Variants in EBAG9 observed in about 807,000 individuals in gnomAD.
EBAG9 encodes estrogen receptor binding site associated antigen 9.
EBAG9 carries 16 observed loss-of-function variants against 30.9 expected under a neutral mutation model. That is an observed-to-expected ratio of 0.52 (90% CI 0.35 to 0.79). EBAG9 has a LOEUF of 0.79. EBAG9 is among the 30% of genes least tolerant of loss of function. The pLI is 0.01. For missense variants in EBAG9, 197 were observed against 242.1 expected (o/e 0.81, Z 1.24); for synonymous variants, 93 against 82.8 (o/e 1.12, Z -0.67).
At chr8:109,563,314 C>T (rs1352173638) in intron 6 of EBAG9, 1 of 1,491,706 alleles carries the variant, frequency 6.7e-7, no homozygotes, top group Non-Finnish European at 9.1e-7. Context: ...CTAATGTTGC[C>T]TATTCCATGC....
At chr8:109,558,169 C>G (rs1821638511) in intron 5 of EBAG9, among the ~76,000 whole-genome samples, 3 of 152,154 alleles carry the variant, frequency 2.0e-5, no homozygotes, top group Admixed American at 2.0e-4. Context: ...TGCACAGTTG[C>G]TTCTGAGGTC....
intron 6 of EBAG9, among the ~76,000 whole-genome samples, chr8:109,562,906 AT>A (rs1821738396): frequency 6.6e-6 from 1 of 151,832 alleles, no homozygotes; most frequent in Non-Finnish European, 1.5e-5. Context: ...CAGATTTCGG[AT>A]TTTTGTATTT....
At chr8:109,545,398 G>C (rs532359540) in intron 1 of EBAG9, among the ~76,000 whole-genome samples, 55 of 140,694 alleles carry the variant, frequency 3.9e-4, no homozygotes, top group African/African-American at 1.4e-3. Flanking sequence ...GAGTCTCACT[G>C]TGTTGCCCAG....
intron 1 of EBAG9, among the ~76,000 whole-genome samples, chr8:109,543,623 A>G (rs781579468): frequency 1.2e-4 from 19 of 152,244 alleles, no homozygotes; most frequent in Middle Eastern, 3.4e-3. Context: ...CCTATCAGAG[A>G]TGACCATTTT....
At chr8:109,552,716 G>GT (rs1191403859) in intron 2 of EBAG9, among the ~76,000 whole-genome samples, 1 of 152,112 alleles carries the variant, frequency 6.6e-6, no homozygotes, top group African/African-American at 2.4e-5. Flanking sequence ...AGAATTGATT[G>GT]TATGTTCAGT....
intron 5 of EBAG9, 118 bp from the exon 6 acceptor site, chr8:109,560,720 G>A: frequency 1.4e-6 from 1 of 708,564 alleles, no homozygotes. Flanking sequence ...TAAGGAAGCT[G>A]AGAAGACATA....
chr8:109,550,739 G>A (rs555282012), intron 1 of EBAG9, 71 bp from the exon 2 acceptor site: 2 of 835,758 alleles, frequency 2.4e-6, no homozygotes. Context: ...TGCATAATAG[G>A]TCTTTTCAGG....
At chr8:109,549,877 C>G (rs1821458536) in intron 1 of EBAG9, among the ~76,000 whole-genome samples, 1 of 151,882 alleles carries the variant, frequency 6.6e-6, no homozygotes, top group Non-Finnish European at 1.5e-5. Context: ...GTCACTTCAC[C>G]TTTCTTTTGA....
Position 109,559,932 on chromosome 8 carries a change from T to C in EBAG9, c.430-906T>C, listed in dbSNP as rs1214337520. Among the ~76,000 whole-genome samples, 3 of 152,328 alleles carry C rather than the reference T, an allele frequency of 2.0e-5. No individual in the cohort carries two copies. In the East Asian group the frequency reaches 5.8e-4, roughly 29 times the overall value. ...GTTTCAGTAGCTTTAAAAATCCTCC[T>C]TTCAGAAATGTATATTAAATAATTA... On this transcript the variant is annotated intron_variant, in intron 5 of 6. Transcript: ENST00000337573.
chr8:109,549,103 T>A (rs1414139554), intron 1 of EBAG9, among the ~76,000 whole-genome samples: 1 of 151,718 alleles, frequency 6.6e-6, no homozygotes, highest in Non-Finnish European at 1.5e-5. Flanking sequence ...TTTTTTTTTT[T>A]AACAGGAATG....
At chr8:109,561,622 A>G (rs530526715) in intron 6 of EBAG9, among the ~76,000 whole-genome samples, 2 of 152,126 alleles carry the variant, frequency 1.3e-5, no homozygotes, top group African/African-American at 2.4e-5. Flanking sequence ...AAATGCATCT[A>G]AAGAATTCAT....
In EBAG9 at chr8:109,552,629, G is replaced by T. The variant is rs1345292317; in HGVS notation, c.84-1236G>T. 2.0e-5 allele frequency among the ~76,000 whole-genome samples: 3 copies of T among 152,268 alleles called. No homozygotes were observed. The East Asian group carries it at 5.8e-4, about 29-fold the overall frequency. On this transcript the variant is annotated intron_variant, in intron 2 of 6. Coordinates refer to ENST00000337573, the MANE Select transcript of EBAG9 (RefSeq NM_004215.5). ...TAAATATAGATTACTTCTAGGATAA[G>T]AAATTTTCTTGATGTAAAAATATTA...
intron 5 of EBAG9, chr8:109,557,774 G>A (rs1254278923): frequency 1.1e-5 from 5 of 441,826 alleles, no homozygotes; most frequent in African/African-American, 4.0e-5. Context: ...AGGCTTGATT[G>A]TGGTCGAAGG....
intron 5 of EBAG9, among the ~76,000 whole-genome samples, chr8:109,559,332 T>C (rs1821666164): frequency 6.6e-6 from 1 of 152,074 alleles, no homozygotes; most frequent in African/African-American, 2.4e-5. Flanking sequence ...GGTGCGTGCC[T>C]GTAGTCCTCG....
In EBAG9 at chr8:109,550,592, AAGGG is replaced by A. The variant is rs199972406; in HGVS notation, c.-15-217_-15-214del. 3.2e-3 allele frequency: 1,160 copies of A among 367,932 alleles called. 28 individuals carry two copies. The East Asian group carries it at 0.051, about 16-fold the overall frequency. 22.8% of individuals were successfully genotyped at this position (367,932 alleles called of 1,614,324 possible). On this transcript the variant is annotated intron_variant, in intron 1 of 6. Coordinates refer to ENST00000337573, the MANE Select transcript of EBAG9 (RefSeq NM_004215.5). ...AAATTATTTTCAAAAACTCAGAATG[AAGGG>A]TTTTATCCTTACAACCATTGAAAAC...
intron 1 of EBAG9, among the ~76,000 whole-genome samples, chr8:109,544,944 T>C (rs1821352913): frequency 6.6e-6 from 1 of 152,148 alleles, no homozygotes; most frequent in Admixed American, 6.5e-5. Context: ...ATGCAGTACA[T>C]ATATAGTATA....
chr8:109,561,173 G>A (rs1279095013), intron 6 of EBAG9, among the ~76,000 whole-genome samples: 2 of 150,948 alleles, frequency 1.3e-5, no homozygotes, highest in Admixed American at 1.3e-4. Context: ...GGCAAATGGA[G>A]TGTTATATAT....
In EBAG9 at chr8:109,553,947, G is replaced by A. The variant is rs536248169; in HGVS notation, c.162+4G>A. 6.3e-7 allele frequency: 1 copy of A among 1,590,566 alleles called. No homozygotes were observed. Among genetic ancestry groups the A allele is most frequent in the Admixed American group, 1.8e-5 (1 of 55,764 alleles). On this transcript the variant is annotated splice_donor_region_variant and intron_variant, in intron 3 of 6. Transcript: ENST00000337573. ...TTATTCATCAGTTCCTAAGCAGGTA[G>A]GTTTTTTTTGTGTGTTCTTTTGTTT...
intron 3 of EBAG9, among the ~76,000 whole-genome samples, chr8:109,554,167 T>A (rs1178561776): frequency 1.3e-5 from 2 of 152,246 alleles, no homozygotes; most frequent in African/African-American, 2.4e-5. Flanking sequence ...AAGTGTTTGC[T>A]ATTGTTTGTT....
Sources: allele counts gnomAD v4.1 joint callset (sites outside exome capture counted in the v4.1 genomes callset), GRCh38; gene constraint gnomAD v4.1.1; transcripts MANE v1.5; gene names NCBI Gene and HGNC (gene_info 2026-07-23, HGNC 2026-07-21).